Variants in FAF1 observed in about 807,000 individuals in gnomAD.
FAF1 encodes Fas associated factor 1.
FAF1 carries 25 observed loss-of-function variants against 92.5 expected under a neutral mutation model. The ratio of observed to expected loss-of-function variants is 0.27; its 90% CI spans 0.20 to 0.38. The LOEUF (loss-of-function observed/expected upper bound fraction) is 0.38, where lower values mean the gene tolerates loss of function less well. Among genes scored for constraint, FAF1 ranks in the 10% least tolerant of loss-of-function variants. The probability of loss-of-function intolerance (pLI) is 1.00; values close to 1 mark genes in which losing one functional copy is unlikely to be tolerated. For synonymous variants in FAF1, 234 were observed against 273.2 expected, an observed-to-expected ratio of 0.86 and a Z score of 1.42; for missense variants, 636 against 793.3, an observed-to-expected ratio of 0.80 and a Z score of 2.38.
intron 13 of FAF1, among the ~76,000 whole-genome samples, chr1:50,553,997 A>C (rs1649431821): frequency 6.6e-6 from 1 of 151,894 alleles, no homozygotes; most frequent in Admixed American, 6.6e-5. Flanking sequence ...TATAGAAAAA[A>C]AGGCCTGGGT....
Position 50,705,642 on chromosome 1 carries a change from T to C in FAF1, c.657+144A>G, listed in dbSNP as rs2124423707. On this transcript the variant is annotated intron_variant, in intron 7 of 18. Coordinates refer to ENST00000396153, the MANE Select transcript of FAF1 (RefSeq NM_007051.3). ...CATTTAGTATATCTACAGTAATCAT[T>C]GATGCTCCAGTTAATTAAAATTTAA... is the stretch of plus-strand genomic sequence containing the variant. 5.5e-6 allele frequency: 3 copies of C among 545,546 alleles called. No homozygotes were observed. In the East Asian group the frequency reaches 8.4e-5, roughly 15 times the overall value. The allele number at this position is 545,546 out of a possible 1,614,324, so 33.8% of individuals were successfully genotyped here.
chr1:50,927,197 G>A (rs952505777), intron 1 of FAF1, among the ~76,000 whole-genome samples: 2 of 152,176 alleles, frequency 1.3e-5, no homozygotes, highest in East Asian at 1.9e-4. Flanking sequence ...CAATGTGAGG[G>A]TACTTAATAC....
chr1:50,513,465 G>A (rs1011102951), intron 15 of FAF1, among the ~76,000 whole-genome samples: 1 of 152,152 alleles, frequency 6.6e-6, no homozygotes, highest in African/African-American at 2.4e-5. Flanking sequence ...ACTCCAGTCT[G>A]GGTGACCAGA....
chr1:50,843,241 G>A (rs562162915), intron 2 of FAF1, among the ~76,000 whole-genome samples: 3 of 152,072 alleles, frequency 2.0e-5, no homozygotes, highest in Admixed American at 6.6e-5. Context: ...TATGGTTTCC[G>A]ACCTAATTCT....
chr1:50,960,097 T>C lies in FAF1; in HGVS notation c.-286A>G. ...ATTGGTCTGGATGTGGGTCCGGTCTTACAGTCGCGGGCCAGGATGAGGGCA... is the reference window on the plus strand; with the variant it reads ...ATTGGTCTGGATGTGGGTCCGGTCTCACAGTCGCGGGCCAGGATGAGGGCA... On this transcript the variant is annotated 5_prime_UTR_variant, in exon 1 of 19. Transcript: ENST00000396153. 1 of 390,066 alleles carries C rather than the reference T, an allele frequency of 2.6e-6. No individual in the cohort carries two copies. The highest frequency in any genetic ancestry group is 4.5e-6 in the Non-Finnish European group (1 of 220,388). The allele number at this position is 390,066 out of a possible 1,614,324, so 24.2% of individuals were successfully genotyped here. A position where few individuals can be genotyped will look rare whatever the true frequency, so the allele number is the denominator to read the frequency against.
chr1:50,489,237 C>T (rs910757203), intron 17 of FAF1, among the ~76,000 whole-genome samples: 1 of 152,136 alleles, frequency 6.6e-6, no homozygotes, highest in Non-Finnish European at 1.5e-5. Context: ...TCCTTTGTTT[C>T]CCTGGCAGTG....
intron 4 of FAF1, among the ~76,000 whole-genome samples, chr1:50,761,705 A>G (rs1660334242): frequency 6.6e-6 from 1 of 152,234 alleles, no homozygotes; most frequent in Non-Finnish European, 1.5e-5. Context: ...AGTAAGAGCT[A>G]TCTATGACAA....
At chr1:50,815,764 C>T (rs1643965502) in intron 2 of FAF1, among the ~76,000 whole-genome samples, 1 of 152,110 alleles carries the variant, frequency 6.6e-6, no homozygotes, top group Non-Finnish European at 1.5e-5. Context: ...TGGCTCATGC[C>T]TGTAATCCCA....
chr1:50,929,864 C>T (rs999753904), intron 1 of FAF1, among the ~76,000 whole-genome samples: 16 of 152,176 alleles, frequency 1.1e-4, no homozygotes, highest in African/African-American at 3.6e-4. Flanking sequence ...TATAAGTATT[C>T]TGTCTTACCA....
intron 2 of FAF1, among the ~76,000 whole-genome samples, chr1:50,811,664 G>A (rs11205772): frequency 0.011 from 1,617 of 152,222 alleles, 25 homozygotes; most frequent in African/African-American, 0.037. Context: ...AGTGCTATTC[G>A]TATCAAACTA....
intron 1 of FAF1, among the ~76,000 whole-genome samples, chr1:50,925,138 G>C (rs190149550): frequency 1.3e-5 from 2 of 152,206 alleles, no homozygotes; most frequent in East Asian, 3.9e-4. Context: ...TTCAATAAAT[G>C]GTGCTAAGAA....
chr1:50,637,679 A>ATGTGTGTGTGTGTGTGTGTGTG, intron 8 of FAF1, among the ~76,000 whole-genome samples: 1 of 101,756 alleles, frequency 9.8e-6, no homozygotes, highest in South Asian at 2.9e-4. Context: ...ACACATATAT[A>ATGTGTGTGTGTGTGTGTGTGTG]TATGTGTGTG....
intron 1 of FAF1, among the ~76,000 whole-genome samples, chr1:50,858,408 C>A (rs570492647): frequency 6.6e-6 from 1 of 151,688 alleles, no homozygotes; most frequent in African/African-American, 2.4e-5. Context: ...AAACTAAAAT[C>A]GAAAACTATA....
rs747294487 is a variant in FAF1 at position 50,441,435 on chromosome 1, C to T, written c.*5G>A. 22 of 1,520,524 alleles carry T rather than the reference C, an allele frequency of 1.4e-5. No individual in the cohort carries two copies. The South Asian group carries it at 2.2e-4, about 15-fold the overall frequency. The allele number at this position is 1,520,524 out of a possible 1,614,324, so 94.2% of individuals were successfully genotyped here. A position where few individuals can be genotyped will look rare whatever the true frequency, so the allele number is the denominator to read the frequency against. ...GGAATGGCTGGTTCCACCGCTGGGCCGTGTTTACTCTTTTGCTTCAAGGAA... is the reference window on the plus strand; with the variant it reads ...GGAATGGCTGGTTCCACCGCTGGGCTGTGTTTACTCTTTTGCTTCAAGGAA... On this transcript the variant is annotated 3_prime_UTR_variant, in exon 19 of 19. Transcript: ENST00000396153.
intron 18 of FAF1, among the ~76,000 whole-genome samples, chr1:50,449,489 CTTTTTTTTT>C (rs373425527): frequency 1.6e-5 from 2 of 124,618 alleles, no homozygotes; most frequent in Admixed American, 7.9e-5. Context: ...CTTTTTCTTT[CTTTTTTTTT>C]TTTTTTTTTT....
chr1:50,503,616 T>TA (rs1304974748), intron 15 of FAF1, among the ~76,000 whole-genome samples: 109 of 148,666 alleles, frequency 7.3e-4, no homozygotes, highest in African/African-American at 2.6e-3. Flanking sequence ...CCCTGTCTCT[T>TA]TAAAAAAAAA....
intron 17 of FAF1, among the ~76,000 whole-genome samples, chr1:50,477,735 C>T (rs1646655277): frequency 6.6e-6 from 1 of 152,134 alleles, no homozygotes. Flanking sequence ...TATTTAATGC[C>T]TGGCCTTCTT....
In FAF1 at chr1:50,865,849, G is replaced by GA. The variant is rs1319117548; in HGVS notation, c.46-7853dup. 5.3e-3 allele frequency among the ~76,000 whole-genome samples: 660 copies of GA among 124,916 alleles called. 7 individuals are homozygous for GA. Among genetic ancestry groups the GA allele is most frequent in the African/African-American group, 0.017 (581 of 34,950 alleles). The allele number at this position is 124,916 out of a possible 152,430, so 81.9% of individuals were successfully genotyped here. ...AACTTAAAGTATAATAATAATAAAAGAAAAAAAAAAAGAAAAGATGAACAA... is the reference window on the plus strand; with the variant it reads ...AACTTAAAGTATAATAATAATAAAAGAAAAAAAAAAAAGAAAAGATGAACAA... On this transcript the variant is annotated intron_variant, in intron 1 of 18. Coordinates refer to ENST00000396153, the MANE Select transcript of FAF1 (RefSeq NM_007051.3).
chr1:50,586,788 GAGT>G (rs1331505693), intron 9 of FAF1, among the ~76,000 whole-genome samples: 1 of 152,208 alleles, frequency 6.6e-6, no homozygotes, highest in Non-Finnish European at 1.5e-5. Context: ...AACAGTGCTT[GAGT>G]TCCCGCTGTG....
Sources: gnomAD v4.1 joint callset for allele counts (sites outside exome capture counted in the v4.1 genomes callset) on GRCh38, gnomAD v4.1.1 for gene constraint, MANE v1.5 for transcripts, NCBI Gene and HGNC (gene_info 2026-07-23, HGNC 2026-07-21) for gene names.